The following TAF1 variants were observed in gnomAD, a reference collection of about 807,000 sequenced individuals.
TAF1 encodes the protein transcription initiation factor TFIID subunit 1.
TAF1 carries 2 observed loss-of-function variants against 138.5 expected under a neutral mutation model. The ratio of observed to expected loss-of-function variants is 0.01; its 90% CI spans 0.01 to 0.05. The LOEUF (loss-of-function observed/expected upper bound fraction) is 0.05. TAF1 is among the 10% of genes least tolerant of loss of function. The pLI is 1.00. For synonymous variants in TAF1, 437 were observed against 503.2 expected (o/e 0.87, Z 1.76); for missense variants, 709 against 1,478.0 (o/e 0.48, Z 8.53).
chrX:71,378,052 T>C, intron 6 of TAF1, 183 bp from the exon 7 acceptor site: 1 of 591,449 alleles, frequency 1.7e-6, no homozygotes, highest in Non-Finnish European at 2.6e-6. Flanking sequence ...GATATGCTGC[T>C]GAATAAGAAG....
chrX:71,432,661 CA>C lies in TAF1; in HGVS notation c.4753+8434del, dbSNP rs1308137055. ...AAAGATTGGGAATTGAGGGTATTAG[CA>C]AAAAAAAAAATTATTGAAGTTCGGG... On this transcript the variant is annotated intron_variant, in intron 32 of 37. Coordinates refer to ENST00000423759, the MANE Select transcript of TAF1 (RefSeq NM_004606.5). 8.7e-4 allele frequency among the ~76,000 whole-genome samples: 90 copies of C among 102,931 alleles called. 1 individual carries two copies. The highest frequency in any genetic ancestry group is 4.8e-3 in the Middle Eastern group (1 of 208). The allele number at this position is 102,931 out of a possible 115,157, so 89.4% of individuals were successfully genotyped here. A position where few individuals can be genotyped will look rare whatever the true frequency, so the allele number is the denominator to read the frequency against.
At chrX:71,438,423 T>C (rs1420627550) in intron 32 of TAF1, among the ~76,000 whole-genome samples, 1 of 111,969 alleles carries the variant, frequency 8.9e-6, no homozygotes, top group African/African-American at 3.2e-5. Context: ...GTTTTCAAGG[T>C]TCATCCATGT....
At chrX:71,518,141 T>C (rs2039856316) in intron 13 of TAF1, among the ~76,000 whole-genome samples, 1 of 110,663 alleles carries the variant, frequency 9.0e-6, no homozygotes, top group Non-Finnish European at 1.9e-5. Flanking sequence ...TAAATTCTTA[T>C]ACAATTAATT....
intron 13 of TAF1, among the ~76,000 whole-genome samples, chrX:71,487,783 T>C (rs185630700): frequency 8.9e-6 from 1 of 112,252 alleles, no homozygotes; most frequent in African/African-American, 3.2e-5. Flanking sequence ...CTATTAACTT[T>C]ATCACCTATG....
intron 22 of TAF1, 27 bp downstream of exon 22, chrX:71,394,272 TAAAAA>T: frequency 8.6e-7 from 1 of 1,166,348 alleles, no homozygotes; most frequent in Non-Finnish European, 1.1e-6. Flanking sequence ...CACAGACAGA[TAAAAA>T]AGAGAAGGGT....
chrX:71,406,326 CAAAAAAAAAAA>C (rs1173763080), intron 25 of TAF1, among the ~76,000 whole-genome samples: 3 of 31,452 alleles, frequency 9.5e-5, no homozygotes, highest in Admixed American at 8.0e-4. Flanking sequence ...AACTACATCT[CAAAAAAAAAAA>C]AAAAAAAAAG....
At chrX:71,471,346 TAC>T (rs1189459686) in intron 13 of TAF1, among the ~76,000 whole-genome samples, 94 of 95,571 alleles carry the variant, frequency 9.8e-4, no homozygotes, top group South Asian at 1.5e-3. Flanking sequence ...TATATATATA[TAC>T]ACACACACAC....
intron 13 of TAF1, among the ~76,000 whole-genome samples, chrX:71,489,943 G>A (rs2039244919): frequency 8.9e-6 from 1 of 111,994 alleles, no homozygotes; most frequent in South Asian, 3.7e-4. Flanking sequence ...CAAGAGATGG[G>A]TCTTTTAAGA....
intron 13 of TAF1, among the ~76,000 whole-genome samples, chrX:71,508,513 G>A (rs1463341618): frequency 9.5e-6 from 1 of 105,046 alleles, no homozygotes; most frequent in Non-Finnish European, 1.9e-5. Context: ...GTTGAGGCAG[G>A]AGGATTGCTT....
rs2034275506 is a variant in TAF1 at position 71,387,093 on chromosome X, G to A, written c.2227-168G>A. ...TCTGAAAGATAGTGGATGAAAAATTGTTTAGTCACATTTGATAATCTATAT... is the reference window on the plus strand; with the variant it reads ...TCTGAAAGATAGTGGATGAAAAATTATTTAGTCACATTTGATAATCTATAT... On this transcript the variant is annotated intron_variant, in intron 14 of 37. Transcript: ENST00000423759. The A allele has an allele frequency of 4.7e-5, 24 of 508,077 alleles. No homozygotes were observed. The South Asian group carries it at 7.5e-4, about 16-fold the overall frequency. The allele number at this position is 508,077 out of a possible 1,213,427, so 41.9% of individuals were successfully genotyped here.
At chrX:71,384,496 C>A (rs1367064821) in intron 13 of TAF1, among the ~76,000 whole-genome samples, 1 of 110,169 alleles carries the variant, frequency 9.1e-6, no homozygotes, top group Non-Finnish European at 1.9e-5. Context: ...CTGCAACCTC[C>A]ACCTCCTGGG....
Position 71,407,831 on chromosome X carries a change from T to C in TAF1, c.4207-143T>C, listed in dbSNP as rs781021791. 5.0e-5 allele frequency: 49 copies of C among 971,122 alleles called. No homozygotes were observed. In the South Asian group the frequency reaches 1.1e-3, roughly 22 times the overall value. The allele number at this position is 971,122 out of a possible 1,213,427, so 80.0% of individuals were successfully genotyped here. ...TGTTTGTTTGTTTTTTTAAGCAGTT[T>C]AGTAGAGGAAACAGACGTGCTCCAT... On this transcript the variant is annotated intron_variant, in intron 27 of 37. Transcript: ENST00000423759.
At chrX:71,378,003 T>C in intron 6 of TAF1, 182 bp downstream of exon 6, 1 of 674,192 alleles carries the variant, frequency 1.5e-6, no homozygotes. Flanking sequence ...AAAAGAAAAA[T>C]GTTTGGTGGG....
chrX:71,387,191 C>A, intron 14 of TAF1, 70 bp from the exon 15 acceptor site: 4 of 1,100,914 alleles, frequency 3.6e-6, no homozygotes, highest in Non-Finnish European at 5.0e-6. Context: ...CTTGGTATTT[C>A]TTTCTCAGCA....
intron 13 of TAF1, chrX:71,528,414 A>G (rs1220382475): frequency 7.6e-6 from 2 of 264,065 alleles, no homozygotes; most frequent in Admixed American, 4.8e-5. Context: ...AGACACACAC[A>G]TAGACAACTG....
chrX:71,382,955 A>G, intron 11 of TAF1, 36 bp from the exon 12 acceptor site: 1 of 949,292 alleles, frequency 1.1e-6, no homozygotes, highest in Non-Finnish European at 1.5e-6. Context: ...TTAGGATGGA[A>G]TTAGCTAATT....
intron 13 of TAF1, among the ~76,000 whole-genome samples, chrX:71,488,672 T>C (rs1051256085): frequency 2.7e-5 from 3 of 111,727 alleles, no homozygotes; most frequent in Non-Finnish European, 5.6e-5. Context: ...CTTCCAAGTC[T>C]TTCTTCTTAG....
intron 13 of TAF1, among the ~76,000 whole-genome samples, chrX:71,503,348 A>ATATATATATATGTGTGTG (rs1205535187): frequency 1.1e-5 from 1 of 92,861 alleles, no homozygotes; most frequent in African/African-American, 4.3e-5. Context: ...ATATATGTGT[A>ATATATATATATGTGTGTG]TATATATATA....
intron 13 of TAF1, among the ~76,000 whole-genome samples, chrX:71,503,275 AAAAT>A (rs1177105361): frequency 2.3e-5 from 2 of 85,537 alleles, no homozygotes; most frequent in South Asian, 5.0e-4. Context: ...TCTCAAAAAA[AAAAT>A]ATATATATAT....
Sources: gnomAD v4.1 joint callset for allele counts (sites outside exome capture counted in the v4.1 genomes callset) on GRCh38, gnomAD v4.1.1 for gene constraint, MANE v1.5 for transcripts, NCBI Gene and HGNC (gene_info 2026-07-23, HGNC 2026-07-21) for gene names.